Variants in GUCY1A2 observed in about 807,000 individuals in gnomAD.
GUCY1A2 encodes the protein guanylate cyclase 1 soluble subunit alpha 2.
GUCY1A2 carries 27 observed loss-of-function variants against 63.5 expected under a neutral mutation model. The observed-to-expected ratio is 0.43, with a 90% CI of 0.31 to 0.59. The LOEUF (loss-of-function observed/expected upper bound fraction) is 0.59, where lower values mean the gene tolerates loss of function less well. GUCY1A2 is among the 20% of genes least tolerant of loss of function. GUCY1A2 has a pLI of 0.11. For missense variants in GUCY1A2, 768 were observed against 913.3 expected (o/e 0.84, Z 2.05); for synonymous variants, 364 against 343.5 (o/e 1.06, Z -0.66).
chr11:106,867,391 A>G (rs896060901), intron 4 of GUCY1A2, among the ~76,000 whole-genome samples: 2 of 152,088 alleles, frequency 1.3e-5, no homozygotes, highest in African/African-American at 2.4e-5. Flanking sequence ...ACTATGAGCA[A>G]TAGAGACTCT....
At chr11:106,905,391 C>T (rs1860190639) in intron 4 of GUCY1A2, among the ~76,000 whole-genome samples, 1 of 152,080 alleles carries the variant, frequency 6.6e-6, no homozygotes, top group Non-Finnish European at 1.5e-5. Flanking sequence ...GTTACAAGAT[C>T]AGATGGTAGC....
intron 1 of GUCY1A2, among the ~76,000 whole-genome samples, chr11:107,013,029 T>C (rs948228118): frequency 1.3e-5 from 2 of 152,212 alleles, no homozygotes; most frequent in African/African-American, 4.8e-5. Flanking sequence ...CATTCTTTCC[T>C]TGACATGTAT....
chr11:106,822,838 T>C (rs1039860068), intron 4 of GUCY1A2, among the ~76,000 whole-genome samples: 2 of 152,216 alleles, frequency 1.3e-5, no homozygotes, highest in African/African-American at 4.8e-5. Flanking sequence ...GACATTTGAA[T>C]ATCACAATTT....
intron 6 of GUCY1A2, among the ~76,000 whole-genome samples, chr11:106,749,097 T>G (rs1863840450): frequency 6.6e-6 from 1 of 152,058 alleles, no homozygotes; most frequent in Non-Finnish European, 1.5e-5. Context: ...ATGTTACAAC[T>G]GCCTACAGTA....
intron 4 of GUCY1A2, among the ~76,000 whole-genome samples, chr11:106,880,112 G>A (rs145221464): frequency 6.6e-6 from 1 of 152,122 alleles, no homozygotes; most frequent in Non-Finnish European, 1.5e-5. Context: ...GAATGACCCT[G>A]TATGGCAGAT....
intron 5 of GUCY1A2, among the ~76,000 whole-genome samples, chr11:106,808,053 G>A (rs1439418424): frequency 6.6e-6 from 1 of 152,164 alleles, no homozygotes; most frequent in Non-Finnish European, 1.5e-5. Context: ...ATTCCACCTT[G>A]TGACTGTGTG....
intron 6 of GUCY1A2, among the ~76,000 whole-genome samples, chr11:106,740,362 A>G (rs561792123): frequency 6.6e-6 from 1 of 152,064 alleles, no homozygotes; most frequent in Non-Finnish European, 1.5e-5. Context: ...GATGCTTTTA[A>G]GAAAAACTGG....
chr11:106,705,758 G>C (rs899197220), intron 7 of GUCY1A2, among the ~76,000 whole-genome samples: 1 of 152,088 alleles, frequency 6.6e-6, no homozygotes, highest in Non-Finnish European at 1.5e-5. Flanking sequence ...TACTTGGGAG[G>C]CTAAGGCAGG....
chr11:106,949,032 G>A (rs1357697501), intron 3 of GUCY1A2, among the ~76,000 whole-genome samples: 2 of 152,104 alleles, frequency 1.3e-5, no homozygotes, highest in Non-Finnish European at 2.9e-5. Context: ...ATAAAGCTAA[G>A]CTAAAACTGT....
intron 5 of GUCY1A2, among the ~76,000 whole-genome samples, chr11:106,804,758 G>A (rs542140486): frequency 6.6e-6 from 1 of 152,312 alleles, no homozygotes; most frequent in South Asian, 2.1e-4. Context: ...CTTTGACACT[G>A]TAGACTTGTC....
intron 6 of GUCY1A2, among the ~76,000 whole-genome samples, chr11:106,721,881 G>A (rs1242145587): frequency 2.0e-5 from 3 of 152,158 alleles, no homozygotes; most frequent in Non-Finnish European, 2.9e-5. Context: ...GCACAGATAT[G>A]CCTATGTTGC....
At chr11:106,774,981 G>A (rs1864330131) in intron 6 of GUCY1A2, among the ~76,000 whole-genome samples, 1 of 152,020 alleles carries the variant, frequency 6.6e-6, no homozygotes, top group African/African-American at 2.4e-5. Context: ...TTAATTCTGT[G>A]TCTGATAAGT....
At chr11:107,009,726 C>A (rs1861718307) in intron 1 of GUCY1A2, among the ~76,000 whole-genome samples, 2 of 152,312 alleles carry the variant, frequency 1.3e-5, no homozygotes, top group South Asian at 4.1e-4. Flanking sequence ...AGCACCAATT[C>A]ACCACCTTTA....
At position 106,826,747 on chromosome 11, in the gene GUCY1A2, C is replaced by A. The variant is rs547651549; in HGVS notation, c.1207-16269G>T. 2.5e-6 allele frequency: 4 copies of A among 1,610,918 alleles called. No homozygotes were observed. In the East Asian group the frequency reaches 8.9e-5, roughly 36 times the overall value. On this transcript the variant is annotated intron_variant, in intron 4 of 7. Coordinates refer to ENST00000526355, the MANE Select transcript of GUCY1A2 (RefSeq NM_000855.3). ...AGCCATGCACTTTGCTGCATACCAT[C>A]CCATCTGTCTAGCCTGGGTCCACAG...
chr11:106,718,894 C>T (rs1863263456), intron 6 of GUCY1A2, among the ~76,000 whole-genome samples: 1 of 152,020 alleles, frequency 6.6e-6, no homozygotes, highest in Non-Finnish European at 1.5e-5. Context: ...ACAATTGTGA[C>T]TTTTTTCTAT....
At chr11:106,736,991 C>G (rs1013269646) in intron 6 of GUCY1A2, among the ~76,000 whole-genome samples, 1 of 152,118 alleles carries the variant, frequency 6.6e-6, no homozygotes, top group Non-Finnish European at 1.5e-5. Context: ...TATCTTTTGT[C>G]TATGGAGGGC....
chr11:106,683,605 G>A lies in GUCY1A2; in HGVS notation c.*3944C>T, dbSNP rs111309504. On this transcript the variant is annotated 3_prime_UTR_variant, in exon 8 of 8. Coordinates refer to ENST00000526355, the MANE Select transcript of GUCY1A2 (RefSeq NM_000855.3). ...CTGTAGCCATTCTGGGTTCAGAAGT[G>A]AAGAGAGAATGCTGTTTGCTGTGGC... The A allele has an allele frequency of 0.098, 22,305 of 228,328 alleles. 1,466 individuals carry two copies. The highest frequency in any genetic ancestry group is 0.14 in the Non-Finnish European group (16,136 of 114,822). 14.1% of individuals were successfully genotyped at this position (228,328 alleles called of 1,614,324 possible). A position where few individuals can be genotyped will look rare whatever the true frequency, so the allele number is the denominator to read the frequency against.
At chr11:106,938,871 A>G (rs1860713669) in intron 4 of GUCY1A2, among the ~76,000 whole-genome samples, 1 of 152,202 alleles carries the variant, frequency 6.6e-6, no homozygotes, top group Admixed American at 6.5e-5. Flanking sequence ...TCTTCACTTT[A>G]TTCTCTCAAC....
At chr11:106,714,522 A>G (rs1475467823) in intron 6 of GUCY1A2, among the ~76,000 whole-genome samples, 1 of 150,464 alleles carries the variant, frequency 6.6e-6, no homozygotes, top group Non-Finnish European at 1.5e-5. Context: ...AGTAAGACAA[A>G]CAGTGAGATA....
Sources: allele counts gnomAD v4.1 joint callset (sites outside exome capture counted in the v4.1 genomes callset), GRCh38; gene constraint gnomAD v4.1.1; transcripts MANE v1.5; gene names NCBI Gene and HGNC (gene_info 2026-07-23, HGNC 2026-07-21).